The following TTC28 variants were observed in gnomAD, a reference collection of about 807,000 sequenced individuals.
TTC28 encodes the protein tetratricopeptide repeat domain 28.
Under a neutral mutation model 198.0 loss-of-function variants are expected in TTC28, and 61 were observed. The observed-to-expected ratio is 0.31, with a 90% CI of 0.25 to 0.38. The LOEUF is 0.38. Among genes scored for constraint, TTC28 ranks in the 10% least tolerant of loss-of-function variants. The probability of loss-of-function intolerance (pLI) is 1.00; values close to 1 mark genes in which losing one functional copy is unlikely to be tolerated. For synonymous variants in TTC28, 1,171 were observed against 1,297.8 expected (o/e 0.90, Z 2.10); for missense variants, 2,678 against 3,164.0 (o/e 0.85, Z 3.69).
intron 12 of TTC28, among the ~76,000 whole-genome samples, chr22:28,058,112 A>G (rs1940366205): frequency 6.6e-6 from 1 of 151,832 alleles, no homozygotes; most frequent in South Asian, 2.1e-4. Context: ...TCCTTAAAGG[A>G]CAGATAATAA....
intron 5 of TTC28, among the ~76,000 whole-genome samples, chr22:28,209,358 G>C (rs909775872): frequency 6.6e-6 from 1 of 152,192 alleles, no homozygotes; most frequent in Non-Finnish European, 1.5e-5. Flanking sequence ...CCCAGGAAGC[G>C]CAAGGGGTCA....
chr22:28,209,483 G>T, intron 5 of TTC28, among the ~76,000 whole-genome samples: 1 of 152,236 alleles, frequency 6.6e-6, no homozygotes, highest in East Asian at 1.9e-4. Flanking sequence ...CACACAAGGA[G>T]ATGATATACT....
intron 12 of TTC28, among the ~76,000 whole-genome samples, chr22:28,090,428 T>A (rs130412): frequency 0.32 from 48,834 of 152,016 alleles, 8,019 homozygotes; most frequent in Admixed American, 0.44. Context: ...AACATAACAT[T>A]CTGAATAGAT....
intron 5 of TTC28, 46 bp from the exon 6 acceptor site, chr22:28,163,645 G>A (rs559885317): frequency 1.4e-6 from 2 of 1,468,660 alleles, no homozygotes; most frequent in African/African-American, 2.8e-5. Flanking sequence ...ACATCAGAAT[G>A]GTTTTGGTAT....
chr22:28,660,925 T>C (rs1257897532), intron 1 of TTC28, among the ~76,000 whole-genome samples: 1 of 152,088 alleles, frequency 6.6e-6, no homozygotes, highest in East Asian at 1.9e-4. Flanking sequence ...AAATTTTAAA[T>C]ATATAATTCC....
At chr22:28,606,083 C>CTTTTTTTTTTTTTTTT (rs201564745) in intron 2 of TTC28, among the ~76,000 whole-genome samples, 1 of 141,172 alleles carries the variant, frequency 7.1e-6, no homozygotes, top group African/African-American at 2.6e-5. Flanking sequence ...ATTGTGAATA[C>CTTTTTTTTTTTTTTTT]TTTTTTTTTT....
At chr22:28,526,404 G>A (rs2049004649) in intron 2 of TTC28, among the ~76,000 whole-genome samples, 1 of 152,078 alleles carries the variant, frequency 6.6e-6, no homozygotes. Context: ...TCTGAACAAA[G>A]TATTAAAAAA....
At chr22:28,029,139 A>T (rs1401232640) in intron 13 of TTC28, 3 of 471,138 alleles carry the variant, frequency 6.4e-6, no homozygotes, top group South Asian at 4.6e-5. Flanking sequence ...AAAAGCCATG[A>T]GGGACACCTG....
At position 28,383,020 on chromosome 22, in the gene TTC28, C is replaced by T. The variant is rs118066798; in HGVS notation, c.382-76377G>A. On this transcript the variant is annotated intron_variant, in intron 2 of 22. Coordinates refer to ENST00000397906, the MANE Select transcript of TTC28 (RefSeq NM_001145418.2). ...CTTACTTGACCTATCATTTACTCAC[C>T]TTCAAAAGATTGTCCTCTTTTGACC... Among the ~76,000 whole-genome samples, 98 of 152,322 alleles carry T rather than the reference C, an allele frequency of 6.4e-4. No individual in the cohort carries two copies. The East Asian group carries it at 0.015, about 23-fold the overall frequency.
intron 2 of TTC28, among the ~76,000 whole-genome samples, chr22:28,351,454 T>C (rs2045994933): frequency 6.6e-6 from 1 of 152,188 alleles, no homozygotes; most frequent in African/African-American, 2.4e-5. Context: ...ATATATGCTT[T>C]GAGACGTGAA....
intron 12 of TTC28, among the ~76,000 whole-genome samples, chr22:28,089,474 T>C (rs1014389673): frequency 4.1e-5 from 5 of 121,246 alleles, no homozygotes; most frequent in Non-Finnish European, 8.1e-5. Flanking sequence ...TGAGAACACA[T>C]GGACACAGGA....
At chr22:28,296,397 T>C in intron 4 of TTC28, 69 bp from the exon 5 acceptor site, 4 of 1,253,926 alleles carry the variant, frequency 3.2e-6, no homozygotes, top group Non-Finnish European at 4.2e-6. Flanking sequence ...TAACATATAA[T>C]GGTCATCTTA....
chr22:28,462,255 G>C (rs1167617810), intron 2 of TTC28, among the ~76,000 whole-genome samples: 2 of 152,246 alleles, frequency 1.3e-5, no homozygotes, highest in African/African-American at 4.8e-5. Flanking sequence ...ACTAGCTTTA[G>C]CCAATAGAAT....
chr22:28,160,435 T>C (rs1921039443), intron 6 of TTC28, among the ~76,000 whole-genome samples: 1 of 151,904 alleles, frequency 6.6e-6, no homozygotes, highest in South Asian at 2.1e-4. Context: ...AGGAACAAAA[T>C]ATGACAATTC....
At chr22:28,195,891 C>T (rs2147139775) in intron 5 of TTC28, among the ~76,000 whole-genome samples, 1 of 151,972 alleles carries the variant, frequency 6.6e-6, no homozygotes, top group South Asian at 2.1e-4. Context: ...AGTGCCATCT[C>T]CATTAAGCTA....
intron 2 of TTC28, among the ~76,000 whole-genome samples, chr22:28,505,553 G>T (rs1198035663): frequency 6.6e-6 from 1 of 152,186 alleles, no homozygotes; most frequent in Non-Finnish European, 1.5e-5. Context: ...CTTCTCCCAT[G>T]AATCTTTGCA....
chr22:28,539,125 T>A (rs1484163476), intron 2 of TTC28, among the ~76,000 whole-genome samples: 1 of 152,122 alleles, frequency 6.6e-6, no homozygotes, highest in Non-Finnish European at 1.5e-5. Context: ...GGTGGTAAAT[T>A]TGATTGTGAA....
chr22:28,284,630 T>G (rs2044646001), intron 5 of TTC28, among the ~76,000 whole-genome samples: 1 of 151,888 alleles, frequency 6.6e-6, no homozygotes, highest in East Asian at 1.9e-4. Context: ...ATAAGGGAAT[T>G]CATACAACTC....
At chr22:28,278,103 T>A (rs1001718646) in intron 5 of TTC28, among the ~76,000 whole-genome samples, 1 of 152,144 alleles carries the variant, frequency 6.6e-6, no homozygotes, top group Non-Finnish European at 1.5e-5. Flanking sequence ...ATTGGTTCAA[T>A]CTACAGTCCC....
Sources: allele counts gnomAD v4.1 joint callset (sites outside exome capture counted in the v4.1 genomes callset), GRCh38; gene constraint gnomAD v4.1.1; transcripts MANE v1.5; gene names NCBI Gene and HGNC (gene_info 2026-07-23, HGNC 2026-07-21).